Variants in CCDC30 observed in about 807,000 individuals in gnomAD.
The protein encoded by CCDC30 is coiled-coil domain-containing protein 30.
CCDC30 carries 70 observed loss-of-function variants against 100.2 expected under a neutral mutation model. That is an observed-to-expected ratio of 0.70 (90% CI 0.58 to 0.85). The LOEUF is 0.85. Ranked by LOEUF, CCDC30 falls within the 40% of genes least tolerant of loss-of-function variation. The pLI is 0.00. For synonymous variants in CCDC30, 233 were observed against 269.5 expected (o/e 0.86, Z 1.33); for missense variants, 652 against 771.2 (o/e 0.85, Z 1.83).
At position 42,582,039 on chromosome 1, in the gene CCDC30, T is replaced by G. The variant is rs147927445; in HGVS notation, c.1001+525T>G. 8.2e-3 allele frequency among the ~76,000 whole-genome samples: 1,127 copies of G among 137,654 alleles called. 20 individuals are homozygous for G. Among genetic ancestry groups the G allele is most frequent in the African/African-American group, 0.029 (1,051 of 36,392 alleles). 90.3% of individuals were successfully genotyped at this position (137,654 alleles called of 152,430 possible). A position where few individuals can be genotyped will look rare whatever the true frequency, so the allele number is the denominator to read the frequency against. ...GAGTTTGAGACCAGCCTGGGCAGCA[T>G]AGTGAGTCTTTGTCTATACCAAAAA... On this transcript the variant is annotated intron_variant, in intron 9 of 16. Coordinates refer to ENST00000668663, the Ensembl canonical transcript of CCDC30.
rs1646418420 is a variant in CCDC30, at chr1:42,602,249, A to G, written c.1165-8729A>G. Among the ~76,000 whole-genome samples the G allele has an allele frequency of 2.6e-5, 4 of 152,126 alleles. No individual in the cohort carries two copies. The South Asian group carries it at 8.3e-4, about 31-fold the overall frequency. ...AGAAATAATAAAAATTACAGGAGAAATCAATGAAATTATCTAACATGGTGG... is the reference window on the plus strand; with the variant it reads ...AGAAATAATAAAAATTACAGGAGAAGTCAATGAAATTATCTAACATGGTGG... On this transcript the variant is annotated intron_variant, in intron 10 of 16. Transcript: ENST00000668663.
chr1:42,499,727 G>T (rs1387519078), intron 6 of CCDC30, among the ~76,000 whole-genome samples: 1 of 151,632 alleles, frequency 6.6e-6, no homozygotes, highest in Non-Finnish European at 1.5e-5. Context: ...TAATCTTCTT[G>T]CCTCCCAAAG....
At chr1:42,482,868 T>A (rs1643985173) in intron 3 of CCDC30, 52 bp downstream of exon 3, 3 of 1,147,950 alleles carry the variant, frequency 2.6e-6, no homozygotes, top group Admixed American at 4.3e-5. Flanking sequence ...ACTGTACTGA[T>A]CTCATCTCAG....
chr1:42,646,370 G>A (rs1371077448), intron 15 of CCDC30, 53 bp downstream of exon 19: 11 of 1,348,636 alleles, frequency 8.2e-6, no homozygotes, highest in African/African-American at 1.5e-5. Flanking sequence ...ATTCTGCCAG[G>A]CACCCACTGT....
At position 42,473,001 on chromosome 1, in the gene CCDC30, C is replaced by G. The variant is rs552939840; in HGVS notation, c.-91-7460C>G. On this transcript the variant is annotated intron_variant, in intron 1 of 16. Transcript: ENST00000668663. ...CAGGTAGCTTACTAGCTTTCTATTG[C>G]TAGTACCCTAAAGACTAGTACTCTA... 3.4e-6 allele frequency: 3 copies of G among 887,026 alleles called. No individual in the cohort carries two copies. The East Asian group carries it at 1.2e-4, about 35-fold the overall frequency. The allele number at this position is 887,026 out of a possible 1,614,324, so 54.9% of individuals were successfully genotyped here. A position where few individuals can be genotyped will look rare whatever the true frequency, so the allele number is the denominator to read the frequency against.
At chr1:42,615,977 ACAATCTCTGCTCACTG>A (rs1250668780) in intron 11 of CCDC30, among the ~76,000 whole-genome samples, 1 of 151,582 alleles carries the variant, frequency 6.6e-6, no homozygotes, top group Non-Finnish European at 1.5e-5. Flanking sequence ...GTGCAGTGGC[ACAATCTCTGCTCACTG>A]CAACCTCCGC....
chr1:42,608,716 CAAAAAAAAAAA>C (rs3044834), intron 10 of CCDC30, among the ~76,000 whole-genome samples: 5 of 55,416 alleles, frequency 9.0e-5, no homozygotes, highest in Admixed American at 4.9e-4. Flanking sequence ...CTCTCTGTCT[CAAAAAAAAAAA>C]AAAAAAAAAA....
At chr1:42,507,253 C>T (rs1310892198) in intron 6 of CCDC30, among the ~76,000 whole-genome samples, 3 of 152,260 alleles carry the variant, frequency 2.0e-5, no homozygotes, top group Admixed American at 1.3e-4. Flanking sequence ...ACCTCATAGA[C>T]AATACCATCT....
chr1:42,649,687 T>G (rs966499169), intron 15 of CCDC30, among the ~76,000 whole-genome samples: 5 of 152,134 alleles, frequency 3.3e-5, no homozygotes, highest in African/African-American at 1.2e-4. Context: ...ATCTTATATA[T>G]AGAAATCCCT....
At chr1:42,581,450 A>T (rs1300026273) in exon 9 of CCDC30, 11 of 1,613,948 alleles carry the variant, frequency 6.8e-6, no homozygotes, top group Non-Finnish European at 7.6e-6. Context: ...AGAGGAAAAG[A>T]TAAAAGAAGC....
chr1:42,601,971 A>C (rs530844492), intron 10 of CCDC30, among the ~76,000 whole-genome samples: 10 of 152,328 alleles, frequency 6.6e-5, no homozygotes, highest in African/African-American at 2.4e-4. Context: ...AGATAAATTC[A>C]ACAAATATAT....
intron 6 of CCDC30, among the ~76,000 whole-genome samples, chr1:42,551,679 C>T (rs971569130): frequency 6.6e-6 from 1 of 151,836 alleles, no homozygotes; most frequent in African/African-American, 2.4e-5. Context: ...AAAATCTGTT[C>T]AGCCTTCCTT....
At chr1:42,465,854 G>A (rs528666008) in intron 1 of CCDC30, among the ~76,000 whole-genome samples, 3 of 152,332 alleles carry the variant, frequency 2.0e-5, no homozygotes, top group Non-Finnish European at 4.4e-5. Flanking sequence ...CAGAATGTCA[G>A]TAGTGCCAGG....
intron 11 of CCDC30, among the ~76,000 whole-genome samples, chr1:42,611,553 TATAC>T (rs71777645): frequency 0.22 from 33,028 of 151,336 alleles, 3,946 homozygotes; most frequent in Non-Finnish European, 0.25. Flanking sequence ...TCTCTCTTTC[TATAC>T]ATACATACAT....
chr1:42,576,742 T>C (rs1402509313), intron 7 of CCDC30, among the ~76,000 whole-genome samples: 1 of 152,190 alleles, frequency 6.6e-6, no homozygotes, highest in African/African-American at 2.4e-5. Flanking sequence ...AAAGTTTCAC[T>C]GGAGTAGTGG....
chr1:42,624,609 A>G (rs905525855), intron 11 of CCDC30, among the ~76,000 whole-genome samples: 9 of 152,148 alleles, frequency 5.9e-5, no homozygotes, highest in Non-Finnish European at 1.2e-4. Context: ...CCTCCTGAGT[A>G]GCTGAGACCA....
chr1:42,533,595 G>A (rs1644842830), intron 6 of CCDC30, among the ~76,000 whole-genome samples: 1 of 152,136 alleles, frequency 6.6e-6, no homozygotes, highest in African/African-American at 2.4e-5. Context: ...GATTTATATA[G>A]GGGACTTATT....
intron 6 of CCDC30, 29 bp from the exon 9 acceptor site, chr1:42,545,381 G>C: frequency 6.6e-7 from 1 of 1,526,608 alleles, no homozygotes; most frequent in East Asian, 2.4e-5. Context: ...ATGCAAAATA[G>C]AATATTTGTC....
At chr1:42,551,311 G>T (rs1645247376) in intron 6 of CCDC30, among the ~76,000 whole-genome samples, 1 of 152,162 alleles carries the variant, frequency 6.6e-6, no homozygotes, top group South Asian at 2.1e-4. Context: ...AAAAGGAATA[G>T]GACAGGGTTG....
Sources: gnomAD v4.1 joint callset for allele counts (sites outside exome capture counted in the v4.1 genomes callset) on GRCh38, gnomAD v4.1.1 for gene constraint, MANE v1.5 for transcripts, NCBI Gene and HGNC (gene_info 2026-07-23, HGNC 2026-07-21) for gene names.